The following CC2D2A variants were observed in gnomAD, a reference collection of about 807,000 sequenced individuals.
CC2D2A encodes coiled-coil and C2 domain containing 2A.
A neutral mutation model predicts 212.9 loss-of-function variants in CC2D2A; 155 were observed. That is an observed-to-expected ratio of 0.73 (90% CI 0.64 to 0.83). CC2D2A has a LOEUF of 0.83. Ranked by LOEUF, CC2D2A falls within the 40% of genes least tolerant of loss-of-function variation. CC2D2A has a pLI of 0.00. For synonymous variants in CC2D2A, 667 were observed against 686.5 expected (o/e 0.97, Z 0.44); for missense variants, 1,856 against 1,956.2 (o/e 0.95, Z 0.97).
At position 15,599,715 on chromosome 4, in the gene CC2D2A, C is replaced by T. The variant is rs1721495125; in HGVS notation, c.4674+9C>T. 1 of 1,589,184 alleles carries T rather than the reference C, an allele frequency of 6.3e-7. No homozygotes were observed. On this transcript the variant is annotated intron_variant, in intron 36 of 36. Transcript: ENST00000424120. The stretch of plus-strand genomic sequence containing the variant: ...AGCTGGGAGACTACAGGGTAAGTTA[C>T]AAATGGATCCTAAACTGACTGTGGA...
In CC2D2A at chr4:15,480,654, A is replaced by T. The variant is rs1341594925; in HGVS notation, c.124-50A>T. 1.9e-6 allele frequency: 3 copies of T among 1,573,238 alleles called. No individual in the cohort carries two copies. In the African/African-American group the frequency reaches 4.1e-5, roughly 21 times the overall value. Reference sequence around the variant, plus strand: ...ACCCATCTTCCCAAGAGAGGAACAGACTCAAATAAAGTCCTGGGAGTCTCT... The same window carrying T: ...ACCCATCTTCCCAAGAGAGGAACAGTCTCAAATAAAGTCCTGGGAGTCTCT... On this transcript the variant is annotated intron_variant, in intron 3 of 36. Coordinates refer to ENST00000424120, the MANE Select transcript of CC2D2A (RefSeq NM_001378615.1).
chr4:15,491,687 G>A (rs1340643311), intron 4 of CC2D2A, among the ~76,000 whole-genome samples: 2 of 152,196 alleles, frequency 1.3e-5, no homozygotes, highest in Non-Finnish European at 1.5e-5. Flanking sequence ...TTGCAGGCAT[G>A]AGCCACCGCA....
At chr4:15,541,941 C>T (rs1718476766) in intron 17 of CC2D2A, among the ~76,000 whole-genome samples, 1 of 152,110 alleles carries the variant, frequency 6.6e-6, no homozygotes, top group South Asian at 2.1e-4. Flanking sequence ...CATACTCCCT[C>T]CAAAAGCTCT....
intron 17 of CC2D2A, among the ~76,000 whole-genome samples, chr4:15,542,720 G>C (rs1293045934): frequency 6.6e-6 from 1 of 152,120 alleles, no homozygotes; most frequent in African/African-American, 2.4e-5. Flanking sequence ...GGACCCCCTG[G>C]ACCTTACCAC....
intron 32 of CC2D2A, 44 bp from the exon 33 acceptor site, chr4:15,589,501 G>A: frequency 6.3e-7 from 1 of 1,579,314 alleles, no homozygotes; most frequent in East Asian, 2.3e-5. Context: ...GGCCTTCACT[G>A]CATAAATAGT....
Position 15,553,219 on chromosome 4 carries a change from A to G in CC2D2A, c.2400A>G (p.Lys800=), listed in dbSNP as rs371834330. 9 of 1,612,240 alleles carry G rather than the reference A, an allele frequency of 5.6e-6. No individual in the cohort carries two copies. The highest frequency in any genetic ancestry group is 3.3e-5 in the South Asian group (3 of 90,526). ...SNQLTLMTSG[K]VSHSVAWAIG... is the part of the protein sequence containing the mutation. ...AGCTGACTCTGATGACCTCAGGGAA[A>G]GTGTCTCATAGTGTGGCATGGGCCA... is the stretch of plus-strand genomic sequence containing the variant. Residue 800 remains lysine (K), a synonymous_variant, in exon 19 of 37, where the codon AAA becomes AAG. Coordinates refer to ENST00000424120, the MANE Select transcript of CC2D2A (RefSeq NM_001378615.1).
intron 14 of CC2D2A, 68 bp from the exon 15 acceptor site, chr4:15,536,852 T>G: frequency 6.9e-7 from 1 of 1,446,730 alleles, no homozygotes; most frequent in Non-Finnish European, 9.5e-7. Flanking sequence ...AATATAAGTA[T>G]TTGCTGTTAT....
At chr4:15,560,222 C>T (rs1385316110) in intron 22 of CC2D2A, among the ~76,000 whole-genome samples, 1 of 152,120 alleles carries the variant, frequency 6.6e-6, no homozygotes, top group African/African-American at 2.4e-5. Flanking sequence ...GAGACTGGCC[C>T]TATTTTTTGT....
Position 15,574,341 on chromosome 4 carries a change from T to C in CC2D2A, c.3771+15T>C, listed in dbSNP as rs1445455070. 2 of 1,531,320 alleles carry C rather than the reference T, an allele frequency of 1.3e-6. No individual in the cohort carries two copies. Among genetic ancestry groups the C allele is most frequent in the East Asian group, 2.5e-5 (1 of 40,538 alleles). The allele number at this position is 1,531,320 out of a possible 1,614,324, so 94.9% of individuals were successfully genotyped here. ...TTCGAGAAAAGGTAACTACTTATAG[T>C]TTGGAAACCCATGTCTATGTTGATA... On this transcript the variant is annotated intron_variant, in intron 29 of 36. Transcript: ENST00000424120.
chr4:15,554,478 G>A (rs1437820994), intron 19 of CC2D2A, among the ~76,000 whole-genome samples: 1 of 152,064 alleles, frequency 6.6e-6, no homozygotes, highest in Non-Finnish European at 1.5e-5. Context: ...TTTGAGACCA[G>A]CCTAGCCAAC....
intron 28 of CC2D2A, among the ~76,000 whole-genome samples, chr4:15,573,015 TC>T (rs1243311786): frequency 1.3e-5 from 2 of 152,142 alleles, no homozygotes; most frequent in African/African-American, 4.8e-5. Context: ...CCTGCTCTTC[TC>T]CTAGCCATGC....
intron 29 of CC2D2A, among the ~76,000 whole-genome samples, chr4:15,575,870 C>G (rs1720383131): frequency 6.6e-6 from 1 of 152,226 alleles, no homozygotes; most frequent in Non-Finnish European, 1.5e-5. Context: ...GAAGAACAGG[C>G]AGTCAGCTAG....
chr4:15,553,129 G>C, intron 18 of CC2D2A, 29 bp from the exon 19 acceptor site: 1 of 1,560,142 alleles, frequency 6.4e-7, no homozygotes, highest in Non-Finnish European at 8.6e-7. Context: ...TTTCTAAACA[G>C]CATCCTGTTT....
intron 16 of CC2D2A, among the ~76,000 whole-genome samples, chr4:15,539,549 G>T (rs1302573514): frequency 1.3e-5 from 2 of 152,026 alleles, no homozygotes; most frequent in Admixed American, 6.5e-5. Context: ...TCTAATGATT[G>T]ATTTATTCTA....
chr4:15,536,814 A>G, intron 14 of CC2D2A, 106 bp from the exon 15 acceptor site: 1 of 1,031,144 alleles, frequency 9.7e-7, no homozygotes, highest in Non-Finnish European at 1.4e-6. Context: ...CGACATTTTT[A>G]GAAGAGGAAC....
Position 15,533,268 on chromosome 4 carries a change from A to G in CC2D2A, c.1542A>G (p.Lys514=). ...TTAAGACTATCATAAAAGTTTGGAA[A>G]GAGATGAAATCCCTTCGAGAGTTCC... The part of the protein sequence containing the change: ...TLLKTIIKVW[K]EMKSLREFQR... Residue 514 remains lysine, a synonymous_variant, in exon 14 of 37, where the codon AAA becomes AAG. Transcript: ENST00000424120. The G allele has an allele frequency of 1.2e-6, 2 of 1,602,038 alleles. No individual in the cohort carries two copies. Among genetic ancestry groups the G allele is most frequent in the Non-Finnish European group, 1.7e-6 (2 of 1,175,720 alleles).
intron 24 of CC2D2A, among the ~76,000 whole-genome samples, chr4:15,566,855 G>T (rs1322519591): frequency 6.6e-6 from 1 of 152,126 alleles, no homozygotes; most frequent in Non-Finnish European, 1.5e-5. Flanking sequence ...TGTGTTTGTA[G>T]TCCCAGCTAC....
chr4:15,531,010 G>A (rs1189308069), intron 13 of CC2D2A, among the ~76,000 whole-genome samples: 1 of 152,164 alleles, frequency 6.6e-6, no homozygotes, highest in Non-Finnish European at 1.5e-5. Flanking sequence ...TCTCTGTAGG[G>A]TCTTTGCCCT....
chr4:15,583,965 GAAA>G (rs1720757971), intron 30 of CC2D2A, among the ~76,000 whole-genome samples: 1 of 110,608 alleles, frequency 9.0e-6, no homozygotes, highest in Non-Finnish European at 2.1e-5. Flanking sequence ...AAAAAAAAAA[GAAA>G]AGAAAAGAAA....
Sources: gnomAD v4.1 joint callset for allele counts (sites outside exome capture counted in the v4.1 genomes callset) on GRCh38, gnomAD v4.1.1 for gene constraint, MANE v1.5 for transcripts, NCBI Gene and HGNC (gene_info 2026-07-23, HGNC 2026-07-21) for gene names.